Variants in KLHL3 observed in about 807,000 individuals in gnomAD.
The protein encoded by KLHL3 is kelch like family member 3, also known as kelch-like protein 3.
In KLHL3, 19 loss-of-function variants were observed where a neutral mutation model predicts 70.5. That is an observed-to-expected ratio of 0.27 (90% CI 0.19 to 0.40). The LOEUF is 0.40. KLHL3 is among the 10% of genes least tolerant of loss of function. The pLI is 1.00. For synonymous variants in KLHL3, 258 were observed against 290.3 expected, an observed-to-expected ratio of 0.89 and a Z score of 1.13; for missense variants, 512 against 771.1, an observed-to-expected ratio of 0.66 and a Z score of 3.98.
At position 137,662,031 on chromosome 5, in the gene KLHL3, C is replaced by T; in HGVS notation, c.637G>A (p.Val213Met). Residue 213 changes from valine to methionine, a missense_variant and splice_region_variant, in exon 7 of 15, where the codon GTG (valine) becomes ATG (methionine). Transcript: ENST00000309755. ...DKLTVSSEEK[V>M]FEAVISWINY... Reference sequence around the variant, plus strand: ...ATCCATGAGATCACAGCTTCAAACACCTATAAAGAAAAGCAACATGGGCAA... The same window carrying T: ...ATCCATGAGATCACAGCTTCAAACATCTATAAAGAAAAGCAACATGGGCAA... 6.4e-7 allele frequency: 1 copy of T among 1,573,842 alleles called. No individual in the cohort carries two copies. The highest frequency in any genetic ancestry group is 8.7e-7 in the Non-Finnish European group (1 of 1,149,162).
chr5:137,681,216 A>G (rs1369434971), intron 5 of KLHL3, among the ~76,000 whole-genome samples: 1 of 151,810 alleles, frequency 6.6e-6, no homozygotes, highest in Non-Finnish European at 1.5e-5. Flanking sequence ...GGCATTAAAT[A>G]AAGAAATAGA....
chr5:137,697,592 C>T (rs994166064), intron 4 of KLHL3, among the ~76,000 whole-genome samples: 1 of 152,194 alleles, frequency 6.6e-6, no homozygotes, highest in Non-Finnish European at 1.5e-5. Context: ...CATCCACATG[C>T]TGGGAGGGTG....
intron 1 of KLHL3, among the ~76,000 whole-genome samples, chr5:137,732,665 C>T (rs1462729004): frequency 6.6e-6 from 1 of 151,970 alleles, no homozygotes; most frequent in Non-Finnish European, 1.5e-5. Context: ...CTAAAATATG[C>T]CTTGGTTAGT....
chr5:137,715,785 A>G (rs1752881006), intron 2 of KLHL3, among the ~76,000 whole-genome samples: 1 of 152,212 alleles, frequency 6.6e-6, no homozygotes, highest in Admixed American at 6.5e-5. Flanking sequence ...TCTCTTCTAT[A>G]CAAATAATCA....
At chr5:137,622,960 A>G (rs1750354259) in intron 14 of KLHL3, among the ~76,000 whole-genome samples, 1 of 152,242 alleles carries the variant, frequency 6.6e-6, no homozygotes, top group Admixed American at 6.5e-5. Context: ...AGTGCTGGCC[A>G]CTAAGACTGT....
intron 4 of KLHL3, 23 bp from the exon 5 acceptor site, chr5:137,692,470 C>A: frequency 6.2e-7 from 1 of 1,612,892 alleles, no homozygotes; most frequent in South Asian, 1.1e-5. Flanking sequence ...GTGACATTCT[C>A]AGATATTGGA....
At chr5:137,632,416 T>C (rs2149880630) in intron 12 of KLHL3, among the ~76,000 whole-genome samples, 1 of 152,118 alleles carries the variant, frequency 6.6e-6, no homozygotes, top group Non-Finnish European at 1.5e-5. Flanking sequence ...GGGAAAAGAC[T>C]CTCTATTCAA....
chr5:137,697,384 G>A (rs7707290), intron 4 of KLHL3, among the ~76,000 whole-genome samples: 3,222 of 152,148 alleles, frequency 0.021, 119 homozygotes, highest in African/African-American at 0.073. Context: ...GGCTGGTTTC[G>A]AACTCCTTAC....
At chr5:137,690,840 C>T (rs1355029334) in intron 5 of KLHL3, among the ~76,000 whole-genome samples, 1 of 152,164 alleles carries the variant, frequency 6.6e-6, no homozygotes, top group African/African-American at 2.4e-5. Flanking sequence ...ACTGGCCAAA[C>T]AGGAGACACG....
chr5:137,732,894 C>G (rs1753202629), intron 1 of KLHL3, among the ~76,000 whole-genome samples: 1 of 152,166 alleles, frequency 6.6e-6, no homozygotes, highest in Non-Finnish European at 1.5e-5. Context: ...AAAAATGTGA[C>G]ACACTCAAGG....
intron 3 of KLHL3, among the ~76,000 whole-genome samples, chr5:137,704,309 C>T (rs1486975823): frequency 1.3e-5 from 2 of 151,764 alleles, no homozygotes; most frequent in African/African-American, 2.4e-5. Flanking sequence ...GGTGTGAACC[C>T]GGGAAGCGGA....
Position 137,639,213 on chromosome 5 carries a change from A to C in KLHL3, c.1022-63T>G. Reference sequence around the variant, plus strand: ...GGCGCATGACTGCTCATGTTGATGGATGGCAATGGAGGAGCAAGACAGACA... The same window carrying C: ...GGCGCATGACTGCTCATGTTGATGGCTGGCAATGGAGGAGCAAGACAGACA... On this transcript the variant is annotated intron_variant, in intron 9 of 14. Coordinates refer to ENST00000309755, the MANE Select transcript of KLHL3 (RefSeq NM_017415.3). This position sits in a 1 kb window ranked among gnomAD's most constrained non-coding sequence, Gnocchi z 5.0. 2 of 1,507,652 alleles carry C rather than the reference A, an allele frequency of 1.3e-6. No homozygotes were observed. The highest frequency in any genetic ancestry group is 1.8e-6 in the Non-Finnish European group (2 of 1,095,358). 93.4% of individuals were successfully genotyped at this position (1,507,652 alleles called of 1,614,324 possible).
At chr5:137,730,197 C>A (rs979085868) in intron 1 of KLHL3, among the ~76,000 whole-genome samples, 2 of 152,148 alleles carry the variant, frequency 1.3e-5, no homozygotes, top group African/African-American at 4.8e-5. Context: ...CACTGAAACC[C>A]AGGTCTATCT....
In KLHL3 at chr5:137,709,795, C is replaced by A; in HGVS notation, c.196G>T (p.Val66Leu). The change falls in exon 3 of 15, where the codon GTG becomes TTG. Residue 66 changes from valine (V) to leucine (L), a missense_variant. Transcript: ENST00000309755. ...TAGGGGCTGCAGGCTGCCAGGACCACACGGTGGGCTTCTATCTCGACATCT... is the reference window on the plus strand; with the variant it reads ...TAGGGGCTGCAGGCTGCCAGGACCAAACGGTGGGCTTCTATCTCGACATCT... ...AEDVEIEAHRVVLAACSPYFC... is the reference protein window; with the variant it reads ...AEDVEIEAHRLVLAACSPYFC... 1 of 1,614,202 alleles carries A rather than the reference C, an allele frequency of 6.2e-7. No individual in the cohort carries two copies. Among genetic ancestry groups the A allele is most frequent in the Non-Finnish European group, 8.5e-7 (1 of 1,180,040 alleles).
chr5:137,647,753 G>A (rs1751091516), intron 8 of KLHL3: 1 of 372,022 alleles, frequency 2.7e-6, no homozygotes, highest in African/African-American at 2.1e-5. Flanking sequence ...ATAGCAAGGT[G>A]CAGAGAAAAT....
chr5:137,669,775 A>G (rs2149902568), intron 6 of KLHL3, among the ~76,000 whole-genome samples: 1 of 152,352 alleles, frequency 6.6e-6, no homozygotes, highest in South Asian at 2.1e-4. Context: ...AGCATGATGT[A>G]TTACAGAAAA....
At chr5:137,650,507 G>A (rs1751173287) in intron 8 of KLHL3, among the ~76,000 whole-genome samples, 2 of 152,142 alleles carry the variant, frequency 1.3e-5, no homozygotes, top group African/African-American at 4.8e-5. Context: ...ATGGAAGTAT[G>A]TTGGATGAGT....
chr5:137,630,062 T>C (rs1377861970), intron 12 of KLHL3: 1 of 152,156 alleles, frequency 6.6e-6, no homozygotes, highest in Non-Finnish European at 1.5e-5. Flanking sequence ...GGCCAGGGCC[T>C]TTGGTCTCTG....
intron 12 of KLHL3, among the ~76,000 whole-genome samples, chr5:137,630,621 T>G (rs949693278): frequency 1.3e-5 from 2 of 152,286 alleles, no homozygotes; most frequent in African/African-American, 4.8e-5. Context: ...AACCAAAATG[T>G]CTGAAAGAGG....
Sources: gnomAD v4.1 joint callset for allele counts (sites outside exome capture counted in the v4.1 genomes callset) on GRCh38, gnomAD v4.1.1 for gene constraint, Gnocchi (gnomAD v3.1) non-coding constraint, MANE v1.5 for transcripts, NCBI Gene and HGNC (gene_info 2026-07-23, HGNC 2026-07-21) for gene names.